Variants in TCF4 observed in about 807,000 individuals in gnomAD.
TCF4 encodes transcription factor 4.
Under a neutral mutation model 82.1 loss-of-function variants are expected in TCF4, and 3 were observed. The observed-to-expected ratio is 0.04, with a 90% CI of 0.02 to 0.09. TCF4 has a LOEUF of 0.09. Among genes scored for constraint, TCF4 ranks in the 10% least tolerant of loss-of-function variants. The probability of loss-of-function intolerance (pLI) is 1.00; values close to 1 mark genes in which losing one functional copy is unlikely to be tolerated. For synonymous variants in TCF4, 276 were observed against 309.6 expected (o/e 0.89, Z 1.14); for missense variants, 518 against 852.7 (o/e 0.61, Z 4.89).
At chr18:55,336,815 T>A (rs910216192) in intron 8 of TCF4, among the ~76,000 whole-genome samples, 1 of 152,144 alleles carries the variant, frequency 6.6e-6, no homozygotes, top group African/African-American at 2.4e-5. Flanking sequence ...GTACATCAAA[T>A]TGTAATCTTT....
At chr18:55,238,496 G>A (rs1447659766) in intron 15 of TCF4, among the ~76,000 whole-genome samples, 1 of 152,204 alleles carries the variant, frequency 6.6e-6, no homozygotes, top group East Asian at 1.9e-4. Flanking sequence ...GGTTTTTGTG[G>A]AACTCATAAT....
At chr18:55,547,003 G>T (rs1417805035) in intron 3 of TCF4, 1 of 152,256 alleles carries the variant, frequency 6.6e-6, no homozygotes, top group Admixed American at 6.5e-5. Context: ...AGGAAGAGTT[G>T]AGTTCCAGCT....
At chr18:55,566,098 A>T (rs2097403752) in intron 3 of TCF4, among the ~76,000 whole-genome samples, 1 of 151,844 alleles carries the variant, frequency 6.6e-6, no homozygotes, top group African/African-American at 2.4e-5. Flanking sequence ...CTGTAGTCCC[A>T]GCTACTCGGG....
At position 55,582,189 on chromosome 18, in the gene TCF4, G is replaced by C. The variant is rs538443239; in HGVS notation, c.145+3091C>G. On this transcript the variant is annotated intron_variant, in intron 3 of 19. Transcript: ENST00000354452. ...TCATCAATAAATTATAGACTCTTTA[G>C]ATGATTTTCTTTTTTTGGTAACTTA... Among the ~76,000 whole-genome samples the C allele has an allele frequency of 2.0e-5, 3 of 152,148 alleles. No individual in the cohort carries two copies. In the East Asian group the frequency reaches 5.8e-4, roughly 29 times the overall value.
In TCF4 at chr18:55,633,263, C is replaced by A. The variant is rs1317506006; in HGVS notation, c.196-1875G>T. ...TTGACCAAGCCTGCAGTATCAGCTTCTAAGGTGGCTCCCACATGCCTGGCA... is the reference window on the plus strand; with the variant it reads ...TTGACCAAGCCTGCAGTATCAGCTTATAAGGTGGCTCCCACATGCCTGGCA... On this transcript the variant is annotated intron_variant, in intron 1 of 20. Transcript: ENST00000398339. This position sits in a 1 kb window ranked among gnomAD's most constrained non-coding sequence, Gnocchi z 4.0. 6.6e-6 allele frequency among the ~76,000 whole-genome samples: 1 copy of A among 152,200 alleles called. No homozygotes were observed. The highest frequency in any genetic ancestry group is 2.4e-5 in the African/African-American group (1 of 41,448).
intron 3 of TCF4, chr18:55,510,667 TTTTA>T: frequency 1.3e-6 from 2 of 1,485,674 alleles, no homozygotes; most frequent in Non-Finnish European, 1.8e-6. Flanking sequence ...CTTCGTAAAC[TTTTA>T]AAGTTTGTGA....
rs1409944656 is a variant in TCF4 at position 55,254,810 on chromosome 18, T to C, written c.1147-110A>G. The C allele has an allele frequency of 6.1e-6, 6 of 985,186 alleles. No homozygotes were observed. The African/African-American group carries it at 9.7e-5, about 16-fold the overall frequency. The allele number at this position is 985,186 out of a possible 1,614,324, so 61.0% of individuals were successfully genotyped here. A position where few individuals can be genotyped will look rare whatever the true frequency, so the allele number is the denominator to read the frequency against. ...ACACACTGTGTTTCTAAATACATGT[T>C]TCCAATAAAATGTATTTCCTTAAAA... is the stretch of plus-strand genomic sequence containing the variant. On this transcript the variant is annotated intron_variant, in intron 14 of 19. Coordinates refer to ENST00000354452, the MANE Select transcript of TCF4 (RefSeq NM_001083962.2).
At chr18:55,553,150 A>G (rs892086135) in intron 3 of TCF4, 3 of 152,230 alleles carry the variant, frequency 2.0e-5, no homozygotes, top group African/African-American at 7.2e-5. Flanking sequence ...AAAATTCCAC[A>G]TTTGCAACCA....
chr18:55,406,777 G>C (rs1207447166), intron 5 of TCF4, among the ~76,000 whole-genome samples: 2 of 152,104 alleles, frequency 1.3e-5, no homozygotes, highest in African/African-American at 4.8e-5. Flanking sequence ...CTTTGAAAGA[G>C]CTAAAGATTC....
rs1292782598 is a variant in TCF4, at chr18:55,313,452, A to G, written c.550-33796T>C. ...ATTTCTTTGCAAACTCAAACTAGCC[A>G]CTGGATGGCATGAAATAAAAGTTCC... On this transcript the variant is annotated intron_variant, in intron 8 of 19. Coordinates refer to ENST00000354452, the MANE Select transcript of TCF4 (RefSeq NM_001083962.2). Among the ~76,000 whole-genome samples, 3 of 152,146 alleles carry G rather than the reference A, an allele frequency of 2.0e-5. No individual in the cohort carries two copies. The East Asian group carries it at 5.8e-4, about 29-fold the overall frequency.
intron 3 of TCF4, among the ~76,000 whole-genome samples, chr18:55,469,122 C>T (rs755546034): frequency 2.6e-5 from 4 of 152,170 alleles, no homozygotes; most frequent in African/African-American, 4.8e-5. Flanking sequence ...TGAAAATCCA[C>T]AAATTTTCAT....
intron 5 of TCF4, among the ~76,000 whole-genome samples, chr18:55,414,912 T>G (rs2094473968): frequency 6.6e-6 from 1 of 152,236 alleles, no homozygotes; most frequent in South Asian, 2.1e-4. Context: ...AATGCTTTTA[T>G]AAAGTATTAT....
At chr18:55,348,693 T>C (rs1438586108) in intron 8 of TCF4, among the ~76,000 whole-genome samples, 1 of 152,162 alleles carries the variant, frequency 6.6e-6, no homozygotes, top group Non-Finnish European at 1.5e-5. Flanking sequence ...AGCAGATACA[T>C]ACCATCCAAT....
chr18:55,452,910 A>T (rs1603475271), intron 5 of TCF4, among the ~76,000 whole-genome samples: 1 of 152,210 alleles, frequency 6.6e-6, no homozygotes, highest in African/African-American at 2.4e-5. Context: ...GCTGACCAGA[A>T]ATTAGAGCTG....
At chr18:55,312,779 T>C (rs1251730739) in intron 8 of TCF4, among the ~76,000 whole-genome samples, 1 of 152,188 alleles carries the variant, frequency 6.6e-6, no homozygotes, top group African/African-American at 2.4e-5. Flanking sequence ...TGCTGCACTT[T>C]GCAACCTCTG....
intron 3 of TCF4, among the ~76,000 whole-genome samples, chr18:55,560,498 T>C (rs985901470): frequency 6.6e-6 from 1 of 152,162 alleles, no homozygotes; most frequent in Non-Finnish European, 1.5e-5. Context: ...GGAAATTCTA[T>C]CCGAAGCCAC....
intron 3 of TCF4, among the ~76,000 whole-genome samples, chr18:55,523,226 A>G (rs992538350): frequency 6.6e-6 from 1 of 152,060 alleles, no homozygotes; most frequent in South Asian, 2.1e-4. Context: ...ATACAAATTC[A>G]TGATCTGGAA....
intron 2 of TCF4, among the ~76,000 whole-genome samples, chr18:55,622,841 C>T (rs978352452): frequency 6.6e-6 from 1 of 151,400 alleles, no homozygotes; most frequent in East Asian, 1.9e-4. Context: ...TGCATTTGCA[C>T]GAGAGTTCTC....
intron 8 of TCF4, among the ~76,000 whole-genome samples, chr18:55,312,833 A>C (rs533232504): frequency 2.0e-5 from 3 of 152,254 alleles, no homozygotes; most frequent in African/African-American, 7.2e-5. Flanking sequence ...CTAATTTTAC[A>C]GTTACCTTAT....
Sources: gnomAD v4.1 joint callset for allele counts (sites outside exome capture counted in the v4.1 genomes callset) on GRCh38, gnomAD v4.1.1 for gene constraint, Gnocchi (gnomAD v3.1) non-coding constraint, MANE v1.5 for transcripts, NCBI Gene and HGNC (gene_info 2026-07-23, HGNC 2026-07-21) for gene names.